UPRT: variants seen among roughly 807,000 people sequenced by gnomAD.
UPRT encodes the protein RP11-311P8.3.
A neutral mutation model predicts 22.6 loss-of-function variants in UPRT; 5 were observed. The ratio of observed to expected loss-of-function variants is 0.22; its 90% CI spans 0.12 to 0.47. The LOEUF (loss-of-function observed/expected upper bound fraction) is 0.47. Among genes scored for constraint, UPRT ranks in the 20% least tolerant of loss-of-function variants. The pLI, the probability that UPRT is intolerant of heterozygous loss-of-function variation, is 0.99. For missense variants in UPRT, 181 were observed against 239.9 expected (o/e 0.75, Z 1.62); for synonymous variants, 77 against 87.7 (o/e 0.88, Z 0.68).
chrX:75,240,048 G>T (rs1569272145), intron 4 of UPRT, among the ~76,000 whole-genome samples: 1 of 111,196 alleles, frequency 9.0e-6, no homozygotes, highest in Non-Finnish European at 1.9e-5. Flanking sequence ...AGACAAAGAT[G>T]CCTACTTTCA....
At chrX:75,244,491 C>T (rs2082497794) in intron 4 of UPRT, among the ~76,000 whole-genome samples, 1 of 111,686 alleles carries the variant, frequency 9.0e-6, no homozygotes, top group Admixed American at 9.6e-5. Context: ...AAAGGCATCA[C>T]ATTACCTGAC....
At chrX:75,233,410 C>T (rs1164247065) in intron 4 of UPRT, among the ~76,000 whole-genome samples, 2 of 111,009 alleles carry the variant, frequency 1.8e-5, no homozygotes, top group Admixed American at 1.9e-4. Context: ...GGCAGGCCAA[C>T]ATTCAGATTC....
At chrX:75,285,399 C>G (rs2082675787) in intron 1 of UPRT, 1 of 111,797 alleles carries the variant, frequency 8.9e-6, no homozygotes, top group African/African-American at 3.3e-5. Flanking sequence ...TGGCCTCCCT[C>G]CTGATGGATC....
intron 4 of UPRT, among the ~76,000 whole-genome samples, chrX:75,223,037 T>A (rs1288467736): frequency 9.1e-6 from 1 of 109,724 alleles, no homozygotes; most frequent in Non-Finnish European, 1.9e-5. Flanking sequence ...GTTCAAGGGG[T>A]CCTTAGTCAA....
chrX:75,182,249 C>T lies in UPRT; in HGVS notation c.-447+14370C>T, dbSNP rs145330198. ...TAGCATTTTGATGTGCTGCTGGATTCAGTTTGCTAGTCATTCTTTGAGGAT... is the reference window on the plus strand; with the variant it reads ...TAGCATTTTGATGTGCTGCTGGATTTAGTTTGCTAGTCATTCTTTGAGGAT... On this transcript the variant is annotated intron_variant, in intron 4 of 13. Coordinates refer to the UPRT transcript ENST00000652605. Among the ~76,000 whole-genome samples the T allele has an allele frequency of 2.5e-3, 283 of 111,823 alleles. 1 individual carries two copies. Among genetic ancestry groups the T allele is most frequent in the African/African-American group, 8.7e-3 (268 of 30,791 alleles).
intron 4 of UPRT, among the ~76,000 whole-genome samples, chrX:75,207,040 C>A (rs1042255842): frequency 8.9e-6 from 1 of 112,234 alleles, no homozygotes; most frequent in African/African-American, 3.2e-5. Context: ...GCATTTGTAG[C>A]CTTTTGGTAT....
intron 1 of UPRT, among the ~76,000 whole-genome samples, chrX:75,291,040 T>A (rs1039159614): frequency 1.8e-5 from 2 of 112,172 alleles, no homozygotes; most frequent in Admixed American, 1.9e-4. Flanking sequence ...GATAACTTTT[T>A]AAAATGACTG....
chrX:75,234,175 A>C, intron 4 of UPRT, among the ~76,000 whole-genome samples: 1 of 111,431 alleles, frequency 9.0e-6, no homozygotes, highest in Non-Finnish European at 1.9e-5. Context: ...AACAAAGATC[A>C]AAAGAGACAA....
chrX:75,199,534 T>C (rs189463032), intron 4 of UPRT, among the ~76,000 whole-genome samples: 1 of 111,069 alleles, frequency 9.0e-6, no homozygotes, highest in Non-Finnish European at 1.9e-5. Context: ...GATAGTACAC[T>C]GTGGGCCTTC....
chrX:75,245,022 A>G lies in UPRT; in HGVS notation c.-446-46002A>G, dbSNP rs191285256. Among the ~76,000 whole-genome samples the G allele has an allele frequency of 1.7e-4, 19 of 110,931 alleles. No homozygotes were observed. In the Admixed American group the frequency reaches 1.7e-3, roughly 10 times the overall value. On this transcript the variant is annotated intron_variant, in intron 4 of 13. Coordinates refer to the UPRT transcript ENST00000652605. ...ATGGGAGAAAGCATTTGCAAACTAT[A>G]CATCCAACAAAAGTCTAATATCCAG...
intron 4 of UPRT, among the ~76,000 whole-genome samples, chrX:75,187,774 C>T (rs985308586): frequency 1.8e-5 from 2 of 111,839 alleles, no homozygotes; most frequent in East Asian, 2.8e-4. Flanking sequence ...TCATTCATTT[C>T]ATCTTCCATT....
intron 2 of UPRT, among the ~76,000 whole-genome samples, chrX:75,161,053 C>T (rs897830253): frequency 6.2e-5 from 7 of 112,331 alleles, no homozygotes; most frequent in Non-Finnish European, 1.3e-4. Flanking sequence ...TTTAGGAGAA[C>T]ATTGCACAAA....
chrX:75,175,541 C>T (rs757659106), intron 4 of UPRT, among the ~76,000 whole-genome samples: 7 of 111,607 alleles, frequency 6.3e-5, no homozygotes, highest in African/African-American at 2.0e-4. Flanking sequence ...TTAAACATAC[C>T]TGGGGCTCAG....
chrX:75,282,005 T>C (rs2082659470), intron 1 of UPRT, among the ~76,000 whole-genome samples: 1 of 110,973 alleles, frequency 9.0e-6, no homozygotes, highest in African/African-American at 3.3e-5. Context: ...GGGTTGTATT[T>C]TTTTCAGGAA....
chrX:75,237,591 A>G (rs1339763776), intron 4 of UPRT, among the ~76,000 whole-genome samples: 1 of 110,609 alleles, frequency 9.0e-6, no homozygotes, highest in Non-Finnish European at 1.9e-5. Context: ...AATGTGGCAC[A>G]TATACACCAT....
In UPRT at chrX:75,304,205, G is replaced by T. The variant is rs1316814536; in HGVS notation, c.*694G>T. 1.8e-5 allele frequency: 2 copies of T among 111,271 alleles called. No homozygotes were observed. Among genetic ancestry groups the T allele is most frequent in the East Asian group, 5.7e-4 (2 of 3,532 alleles). The allele number at this position is 111,271 out of a possible 1,213,427, so 9.2% of individuals were successfully genotyped here. A position where few individuals can be genotyped will look rare whatever the true frequency, so the allele number is the denominator to read the frequency against. The stretch of plus-strand genomic sequence containing the variant: ...AACATTAATTTACAAGATTGAACCG[G>T]GGATGTCTGGATGCTGACAAGGGAG... On this transcript the variant is annotated 3_prime_UTR_variant, in exon 7 of 7. Coordinates refer to ENST00000373383, the MANE Select transcript of UPRT (RefSeq NM_145052.4).
intron 4 of UPRT, among the ~76,000 whole-genome samples, chrX:75,223,105 T>C (rs2082414770): frequency 9.1e-6 from 1 of 109,967 alleles, no homozygotes; most frequent in African/African-American, 3.3e-5. Flanking sequence ...GGTTTCCTTT[T>C]GGCCAAAGGT....
chrX:75,161,658 T>C (rs1007231488), intron 2 of UPRT, among the ~76,000 whole-genome samples: 2 of 111,965 alleles, frequency 1.8e-5, no homozygotes, highest in Non-Finnish European at 3.8e-5. Flanking sequence ...TCCAATATTG[T>C]ATGAGGTAGC....
chrX:75,236,518 T>G (rs1194308941), intron 4 of UPRT, among the ~76,000 whole-genome samples: 4 of 111,703 alleles, frequency 3.6e-5, no homozygotes, highest in Admixed American at 9.5e-5. Context: ...AGAACAAAGC[T>G]GGAGGTATCG....
Sources: allele counts gnomAD v4.1 joint callset (sites outside exome capture counted in the v4.1 genomes callset), GRCh38; gene constraint gnomAD v4.1.1; transcripts MANE v1.5; gene names NCBI Gene and HGNC (gene_info 2026-07-23, HGNC 2026-07-21).